PCLO: variants seen among roughly 807,000 people sequenced by gnomAD.
PCLO encodes the protein protein piccolo.
PCLO carries 82 observed loss-of-function variants against 427.5 expected under a neutral mutation model. That is an observed-to-expected ratio of 0.19 (90% CI 0.16 to 0.23). The LOEUF (loss-of-function observed/expected upper bound fraction) is 0.23, where lower values mean the gene tolerates loss of function less well. PCLO is among the 10% of genes least tolerant of loss of function. The probability of loss-of-function intolerance (pLI) is 1.00; values close to 1 mark genes in which losing one functional copy is unlikely to be tolerated. For missense variants in PCLO, 6,239 were observed against 6,115.9 expected (o/e 1.02, Z -0.67); for synonymous variants, 2,357 against 2,155.4 (o/e 1.09, Z -2.59).
chr7:83,044,185 G>A (rs1175287047), intron 3 of PCLO, among the ~76,000 whole-genome samples: 1 of 151,896 alleles, frequency 6.6e-6, no homozygotes, highest in Non-Finnish European at 1.5e-5. Flanking sequence ...TATATCTTGT[G>A]AGAATTCCCT....
intron 3 of PCLO, among the ~76,000 whole-genome samples, chr7:83,097,739 A>G (rs1275054078): frequency 6.6e-6 from 1 of 151,482 alleles, no homozygotes; most frequent in African/African-American, 2.4e-5. Flanking sequence ...TGTGAAATAG[A>G]GCACTTGCTA....
At position 83,143,834 on chromosome 7, in the gene PCLO, C is replaced by T. The variant is rs371719674; in HGVS notation, c.1894-8178G>A. Among the ~76,000 whole-genome samples, 10 of 152,266 alleles carry T rather than the reference C, an allele frequency of 6.6e-5. 1 individual carries two copies. The highest frequency in any genetic ancestry group is 3.9e-4 in the Admixed American group (6 of 15,298). ...AACTGCCTCTCGTGGTGAATTCAAA[C>T]TTTTACACCTCAGTTGATTAACACA... is the stretch of plus-strand genomic sequence containing the variant. On this transcript the variant is annotated intron_variant, in intron 2 of 24. Coordinates refer to ENST00000333891, the MANE Select transcript of PCLO (RefSeq NM_033026.6).
chr7:82,915,964 T>G lies in PCLO; in HGVS notation c.12022A>C (p.Ser4008Arg), dbSNP rs1241947824. 6.2e-7 allele frequency: 1 copy of G among 1,612,858 alleles called. No homozygotes were observed. Among genetic ancestry groups the G allele is most frequent in the Non-Finnish European group, 8.5e-7 (1 of 1,179,766 alleles). ...TCCAAACCTATTCTCAAGTCTAAAC[T>G]ATTGTACTTACTACCAAGATGGGAA... is the stretch of plus-strand genomic sequence containing the variant. ...AVSHLGSKYN[S>R]LDLRIGLEER... is the part of the protein sequence containing the mutation. Residue 4008 changes from serine to arginine, a missense_variant, in exon 7 of 25, where the codon AGT becomes CGT. Physicochemically the swap from Ser to Arg is moderately radical, Grantham distance 110. Coordinates refer to ENST00000333891, the MANE Select transcript of PCLO (RefSeq NM_033026.6).
intron 3 of PCLO, among the ~76,000 whole-genome samples, chr7:83,117,425 A>G (rs1030440044): frequency 2.6e-5 from 4 of 152,204 alleles, no homozygotes; most frequent in Admixed American, 6.6e-5. Flanking sequence ...AGTTCATAAT[A>G]TAATATTCTC....
intron 16 of PCLO, among the ~76,000 whole-genome samples, chr7:82,833,268 C>T (rs1489461981): frequency 3.3e-5 from 5 of 152,086 alleles, no homozygotes; most frequent in Non-Finnish European, 7.4e-5. Context: ...ATAAAGATAG[C>T]TAAAAATAAT....
chr7:83,137,011 A>T (rs1425583736), intron 2 of PCLO, among the ~76,000 whole-genome samples: 1 of 152,188 alleles, frequency 6.6e-6, no homozygotes, highest in East Asian at 1.9e-4. Context: ...TTCTCCACCC[A>T]AGGTAACCAA....
intron 6 of PCLO, among the ~76,000 whole-genome samples, chr7:82,919,553 A>G (rs767179728): frequency 8.5e-5 from 13 of 152,144 alleles, no homozygotes; most frequent in Non-Finnish European, 1.9e-4. Flanking sequence ...CTTTAACTGC[A>G]TTGACAGGTT....
At chr7:83,120,024 A>G (rs1791235562) in intron 3 of PCLO, among the ~76,000 whole-genome samples, 1 of 152,016 alleles carries the variant, frequency 6.6e-6, no homozygotes, top group Non-Finnish European at 1.5e-5. Flanking sequence ...AAGCATGCCT[A>G]CAAGATCTAG....
chr7:82,944,988 T>G (rs531520307), intron 6 of PCLO, among the ~76,000 whole-genome samples: 1 of 152,304 alleles, frequency 6.6e-6, no homozygotes, highest in South Asian at 2.1e-4. Flanking sequence ...CATGCCACCT[T>G]TCATTAAAAT....
chr7:82,917,956 A>T (rs1794506074), intron 6 of PCLO, among the ~76,000 whole-genome samples: 1 of 151,872 alleles, frequency 6.6e-6, no homozygotes, highest in Non-Finnish European at 1.5e-5. Flanking sequence ...AATTTCCTTA[A>T]TAATTTTTAT....
intron 3 of PCLO, among the ~76,000 whole-genome samples, chr7:83,038,031 T>TATATATATATATATATATATA (rs1562932995): frequency 1.2e-4 from 2 of 17,272 alleles, no homozygotes; most frequent in African/African-American, 3.2e-4. Flanking sequence ...ATATATATAT[T>TATATATATATATATATATATA]TATATATTTA....
intron 16 of PCLO, among the ~76,000 whole-genome samples, chr7:82,830,745 C>A (rs1792074220): frequency 6.6e-6 from 1 of 151,876 alleles, no homozygotes; most frequent in South Asian, 2.1e-4. Flanking sequence ...AATGCAAACC[C>A]ATGTACTATC....
chr7:83,088,410 C>A (rs1009340388), intron 3 of PCLO, among the ~76,000 whole-genome samples: 3 of 152,190 alleles, frequency 2.0e-5, no homozygotes, highest in Admixed American at 6.5e-5. Flanking sequence ...TGCTCAAATT[C>A]TTCTTAAGGT....
At chr7:83,008,514 T>A (rs1788001892) in intron 3 of PCLO, among the ~76,000 whole-genome samples, 2 of 151,724 alleles carry the variant, frequency 1.3e-5, no homozygotes, top group Non-Finnish European at 3.0e-5. Flanking sequence ...TCAAGATTAC[T>A]GTTAGTAAAA....
intron 3 of PCLO, among the ~76,000 whole-genome samples, chr7:82,984,898 T>C (rs926327180): frequency 3.9e-5 from 6 of 152,002 alleles, no homozygotes; most frequent in African/African-American, 1.4e-4. Flanking sequence ...GAGTAGGCAA[T>C]GTATGTCAAA....
chr7:82,994,507 T>C (rs1451160176), intron 3 of PCLO, among the ~76,000 whole-genome samples: 1 of 151,950 alleles, frequency 6.6e-6, no homozygotes, highest in African/African-American at 2.4e-5. Flanking sequence ...ATTTTAAACA[T>C]ACTACTAAAG....
rs1208076952 is a variant in PCLO at position 83,155,367 on chromosome 7, G to A, written c.1274C>T (p.Pro425Leu). Residue 425 changes from proline to leucine, a missense_variant, in exon 2 of 25, where the codon CCT (proline) becomes CTT (leucine). Coordinates refer to ENST00000333891, the MANE Select transcript of PCLO (RefSeq NM_033026.6). ...VGTPKPLAQQ[P>L]GLQSPAKAPG... is the part of the protein sequence containing the mutation. ...TGCCTTAGCTGGAGACTGTAGCCCAGGTTGTTGAGCTAGGGGTTTTGGTGT... is the reference window on the plus strand; with the variant it reads ...TGCCTTAGCTGGAGACTGTAGCCCAAGTTGTTGAGCTAGGGGTTTTGGTGT... The A allele has an allele frequency of 1.2e-6, 2 of 1,613,820 alleles. No homozygotes were observed. Among genetic ancestry groups the A allele is most frequent in the African/African-American group, 2.7e-5 (2 of 74,988 alleles).
chr7:83,147,793 T>C (rs373718670), intron 2 of PCLO, among the ~76,000 whole-genome samples: 3 of 152,210 alleles, frequency 2.0e-5, no homozygotes, highest in Admixed American at 1.3e-4. Flanking sequence ...CATAAATGTA[T>C]GGCATAAAAA....
In PCLO at chr7:82,915,191, G is replaced by T; in HGVS notation, c.12795C>A (p.Gly4265=). The change falls in exon 7 of 25, where the codon GGC becomes GGA. Residue 4265 remains glycine, a synonymous_variant. Transcript: ENST00000333891. ...FMGSSLGTGL[G]TLGNTIRSAL... Reference sequence around the variant, plus strand: ...CTGAGCGTATGGTATTTCCTAATGTGCCCAGTCCTGTGCCAAGAGAAGATC... The same window carrying T: ...CTGAGCGTATGGTATTTCCTAATGTTCCCAGTCCTGTGCCAAGAGAAGATC... The T allele has an allele frequency of 1.2e-6, 2 of 1,608,892 alleles. No individual in the cohort carries two copies. The highest frequency in any genetic ancestry group is 1.1e-5 in the South Asian group (1 of 90,544).
Sources: gnomAD v4.1 joint callset for allele counts (sites outside exome capture counted in the v4.1 genomes callset) on GRCh38, gnomAD v4.1.1 for gene constraint, MANE v1.5 for transcripts, NCBI Gene and HGNC (gene_info 2026-07-23, HGNC 2026-07-21) for gene names.